Variants in STRN4 observed in about 807,000 individuals in gnomAD.
The protein encoded by STRN4 is striatin 4.
Under a neutral mutation model 77.9 loss-of-function variants are expected in STRN4, and 27 were observed. That is an observed-to-expected ratio of 0.35 (90% confidence interval 0.26 to 0.48). The LOEUF is 0.48. Among genes scored for constraint, STRN4 ranks in the 20% least tolerant of loss-of-function variants. The probability of loss-of-function intolerance (pLI) is 0.99; values close to 1 mark genes in which losing one functional copy is unlikely to be tolerated. For synonymous variants in STRN4, 466 were observed against 443.1 expected (o/e 1.05, Z -0.65); for missense variants, 798 against 1,049.7 (o/e 0.76, Z 3.31).
At chr19:46,728,212 C>T in intron 7 of STRN4, 2 of 678,762 alleles carry the variant, frequency 2.9e-6, no homozygotes, top group Non-Finnish European at 5.3e-6. Context: ...CTTGCCTAGG[C>T]CTCAGGCCCC....
intron 1 of STRN4, among the ~76,000 whole-genome samples, chr19:46,742,059 T>C (rs1329914820): frequency 6.6e-6 from 1 of 152,100 alleles, no homozygotes; most frequent in Non-Finnish European, 1.5e-5. Context: ...CCTCTCAGAG[T>C]TGCCACAGAA....
chr19:46,744,080 G>T (rs1300779404), intron 1 of STRN4, among the ~76,000 whole-genome samples: 1 of 151,920 alleles, frequency 6.6e-6, no homozygotes, highest in Non-Finnish European at 1.5e-5. Flanking sequence ...CCAGAATGCT[G>T]CAAGAATTAA....
At chr19:46,725,133 G>A (rs567144560) in intron 11 of STRN4, among the ~76,000 whole-genome samples, 199 bp downstream of exon 11, 1 of 151,800 alleles carries the variant, frequency 6.6e-6, no homozygotes, top group African/African-American at 2.4e-5. Flanking sequence ...GGGCTGTGCT[G>A]AGTACCAGCT....
chr19:46,743,933 A>G (rs994021276), intron 1 of STRN4, among the ~76,000 whole-genome samples: 31 of 152,034 alleles, frequency 2.0e-4, no homozygotes, highest in African/African-American at 7.0e-4. Context: ...AAATAAATAA[A>G]TAAATAAATA....
rs558195550 is a variant in STRN4, at chr19:46,724,443, C to A, written c.1594+364G>T. On this transcript the variant is annotated intron_variant, in intron 12 of 17. Coordinates refer to ENST00000263280, the MANE Select transcript of STRN4 (RefSeq NM_013403.3). ...TGCCCTCCCCTCAACCACGCAGAGA[C>A]CCTGGCGGATCCCCACACACAGAGT... 3.7e-4 allele frequency among the ~76,000 whole-genome samples: 57 copies of A among 152,302 alleles called. No individual in the cohort carries two copies. The South Asian group carries it at 0.012, about 32-fold the overall frequency.
chr19:46,734,091 T>C (rs2122326834), intron 4 of STRN4, among the ~76,000 whole-genome samples: 1 of 152,314 alleles, frequency 6.6e-6, no homozygotes, highest in East Asian at 1.9e-4. Context: ...CGCCTGTGTG[T>C]GTCTGAGGCT....
intron 6 of STRN4, among the ~76,000 whole-genome samples, chr19:46,730,196 C>T (rs191705067): frequency 8.7e-4 from 132 of 152,340 alleles, no homozygotes; most frequent in African/African-American, 2.8e-3. Flanking sequence ...GCTGCGGCTC[C>T]GTGCACACCA....
intron 5 of STRN4, chr19:46,732,798 A>T: frequency 2.0e-6 from 1 of 505,256 alleles, no homozygotes; most frequent in South Asian, 2.7e-5. Context: ...AGGCCTGAGT[A>T]TCAGGACGGG....
Position 46,738,729 on chromosome 19 carries a change from G to T in STRN4, c.386+56C>A. 1 of 1,575,014 alleles carries T rather than the reference G, an allele frequency of 6.3e-7. No homozygotes were observed. The highest frequency in any genetic ancestry group is 1.1e-5 in the South Asian group (1 of 90,294). On this transcript the variant is annotated intron_variant, in intron 2 of 17. Transcript: ENST00000263280. The surrounding 1 kb of genome is among the most constrained non-coding windows in gnomAD (Gnocchi z 4.5). ...AAGGAGGCGTGGCTGGTGGCCTCCT[G>T]ACACTGTGCTTGAGACGGACCCAGA...
intron 1 of STRN4, among the ~76,000 whole-genome samples, chr19:46,743,320 A>G (rs567988250): frequency 3.9e-5 from 6 of 152,352 alleles, no homozygotes; most frequent in African/African-American, 1.4e-4. Flanking sequence ...AAAGAAAACA[A>G]AAGTACAAAG....
chr19:46,727,740 G>A (rs2054153177), intron 8 of STRN4, 154 bp downstream of exon 8: 2 of 778,902 alleles, frequency 2.6e-6, no homozygotes, highest in South Asian at 3.6e-5. Flanking sequence ...AAAAAGAGAG[G>A]GAGACAGACA....
rs1178763015 is a variant in STRN4 at position 46,728,835 on chromosome 19, C to A, written c.880-58G>T. ...GGCCTCTTGTCCAGAGACTAAGCCA[C>A]CTCCGTGCCTAGGAACAGGTAAGCC... On this transcript the variant is annotated intron_variant, in intron 6 of 17. Coordinates refer to ENST00000263280, the MANE Select transcript of STRN4 (RefSeq NM_013403.3). 4 of 1,593,262 alleles carry A rather than the reference C, an allele frequency of 2.5e-6. No individual in the cohort carries two copies. In the African/African-American group the frequency reaches 5.4e-5, roughly 21 times the overall value.
chr19:46,736,726 C>T, intron 4 of STRN4, 97 bp downstream of exon 4: 2 of 1,254,094 alleles, frequency 1.6e-6, no homozygotes, highest in Non-Finnish European at 1.1e-6. Flanking sequence ...AGTTCAGCAT[C>T]CCCAGTGGGG....
intron 16 of STRN4, 138 bp downstream of exon 16, chr19:46,721,848 C>A: frequency 1.2e-6 from 1 of 854,130 alleles, no homozygotes; most frequent in East Asian, 2.5e-5. Context: ...CCCCTATGGT[C>A]ACCACGGTCA....
intron 6 of STRN4, among the ~76,000 whole-genome samples, chr19:46,730,284 C>T (rs2122290439): frequency 6.6e-6 from 1 of 152,284 alleles, no homozygotes; most frequent in South Asian, 2.1e-4. Flanking sequence ...CAGGCCCAGT[C>T]CCTCCCAGGG....
intron 11 of STRN4, 97 bp from the exon 12 acceptor site, chr19:46,725,025 G>A (rs1158788303): frequency 5.8e-6 from 9 of 1,550,154 alleles, no homozygotes; most frequent in Admixed American, 5.3e-5. Flanking sequence ...TTCAAGGATG[G>A]CCAAAAGGAA....
rs995093352 is a variant in STRN4, at chr19:46,746,070, T to TGGCGGCGGC, written c.282+70_282+78dup. On this transcript the variant is annotated intron_variant, in intron 1 of 17. Transcript: ENST00000263280. ...CGTCCCGGCGGCCATTGCTCCAAGA[T>TGGCGGCGGC]GGCGGCGGCGGCGGCAGCGGGTGAG... is the stretch of plus-strand genomic sequence containing the variant. 47 of 1,216,554 alleles carry TGGCGGCGGC rather than the reference T, an allele frequency of 3.9e-5. No homozygotes were observed. The East Asian group carries it at 1.0e-3, about 26-fold the overall frequency. 75.4% of individuals were successfully genotyped at this position (1,216,554 alleles called of 1,614,324 possible). A position where few individuals can be genotyped will look rare whatever the true frequency, so the allele number is the denominator to read the frequency against.
At position 46,733,442 on chromosome 19, in the gene STRN4, A is replaced by T; in HGVS notation, c.540-206T>A. The T allele has an allele frequency of 1.7e-6, 1 of 585,486 alleles. No homozygotes were observed. The highest frequency in any genetic ancestry group is 3.1e-6 in the Non-Finnish European group (1 of 327,658). The allele number at this position is 585,486 out of a possible 1,614,324, so 36.3% of individuals were successfully genotyped here. On this transcript the variant is annotated intron_variant, in intron 4 of 17. Coordinates refer to ENST00000263280, the MANE Select transcript of STRN4 (RefSeq NM_013403.3). This position sits in a 1 kb window ranked among gnomAD's most constrained non-coding sequence, Gnocchi z 4.3. ...GTACACACACACAATGCTATGTGTG[A>T]GGGTGCTCCCTGCACTGCTGTATGG...
chr19:46,728,050 A>G, intron 7 of STRN4, 43 bp from the exon 8 acceptor site: 1 of 1,577,828 alleles, frequency 6.3e-7, no homozygotes, highest in Non-Finnish European at 8.7e-7. Flanking sequence ...CAGCAGTTCC[A>G]ACCCAGTCTG....
Sources: allele counts gnomAD v4.1 joint callset (sites outside exome capture counted in the v4.1 genomes callset), GRCh38; gene constraint gnomAD v4.1.1; non-coding constraint Gnocchi (gnomAD v3.1); transcripts MANE v1.5; gene names NCBI Gene and HGNC (gene_info 2026-07-23, HGNC 2026-07-21).